THSD4: variants seen among roughly 807,000 people sequenced by gnomAD.
THSD4 encodes the protein thrombospondin type-1 domain-containing protein 4.
In THSD4, 69 loss-of-function variants were observed where a neutral mutation model predicts 119.0. The observed-to-expected ratio is 0.58, with a 90% CI of 0.48 to 0.71. The LOEUF (loss-of-function observed/expected upper bound fraction) is 0.71. Ranked by LOEUF, THSD4 falls within the 30% of genes least tolerant of loss-of-function variation. The pLI is 0.00. For synonymous variants in THSD4, 524 were observed against 540.4 expected (o/e 0.97, Z 0.42); for missense variants, 1,393 against 1,391.1 (o/e 1.00, Z -0.02).
At chr15:71,696,971 C>T (rs2052177893) in intron 8 of THSD4, among the ~76,000 whole-genome samples, 1 of 152,202 alleles carries the variant, frequency 6.6e-6, no homozygotes, top group African/African-American at 2.4e-5. Context: ...ACAGGACAGT[C>T]ACAAGCCCAT....
chr15:71,193,795 C>A (rs1596261090), intron 3 of THSD4, among the ~76,000 whole-genome samples: 1 of 152,162 alleles, frequency 6.6e-6, no homozygotes, highest in Non-Finnish European at 1.5e-5. Context: ...GCAAGCTCCG[C>A]CTCCCGGGTT....
intron 6 of THSD4, among the ~76,000 whole-genome samples, chr15:71,289,982 G>A (rs954232934): frequency 6.6e-6 from 1 of 152,054 alleles, no homozygotes; most frequent in African/African-American, 2.4e-5. Flanking sequence ...GGCATGGGGG[G>A]AGTATCCACG....
At chr15:71,527,492 C>T (rs191258078) in intron 7 of THSD4, among the ~76,000 whole-genome samples, 3 of 152,136 alleles carry the variant, frequency 2.0e-5, no homozygotes, top group African/African-American at 7.2e-5. Context: ...CCATTAATGC[C>T]CTTCAAATGT....
intron 8 of THSD4, among the ~76,000 whole-genome samples, chr15:71,719,352 G>GA (rs370378311): frequency 4.0e-5 from 6 of 151,836 alleles, no homozygotes; most frequent in Non-Finnish European, 7.4e-5. Context: ...GAATCTGACT[G>GA]AAAAAAAATT....
chr15:71,598,210 G>A (rs2049941509), intron 7 of THSD4, among the ~76,000 whole-genome samples: 1 of 152,188 alleles, frequency 6.6e-6, no homozygotes, highest in Non-Finnish European at 1.5e-5. Context: ...TGGTCAGGAA[G>A]ATGAGCAAGA....
chr15:71,159,447 A>T (rs1769497348), intron 3 of THSD4, among the ~76,000 whole-genome samples: 1 of 152,104 alleles, frequency 6.6e-6, no homozygotes, highest in Admixed American at 6.5e-5. Context: ...CAATCTATGA[A>T]CATGGGTTAT....
At chr15:71,398,952 C>A (rs1982234) in intron 6 of THSD4, among the ~76,000 whole-genome samples, 6 of 151,668 alleles carry the variant, frequency 4.0e-5, no homozygotes, top group Non-Finnish European at 8.8e-5. Context: ...CAGAAAGTCC[C>A]CAGGCCCCCA....
intron 7 of THSD4, among the ~76,000 whole-genome samples, chr15:71,638,698 A>G (rs1215353944): frequency 6.6e-6 from 1 of 152,224 alleles, no homozygotes; most frequent in Non-Finnish European, 1.5e-5. Context: ...GATATTATAA[A>G]TTAGTATGGT....
chr15:71,383,300 C>T (rs2046250405), intron 6 of THSD4, among the ~76,000 whole-genome samples: 1 of 152,162 alleles, frequency 6.6e-6, no homozygotes, highest in South Asian at 2.1e-4. Context: ...TTATCATAAG[C>T]ATCTAATGAT....
chr15:71,254,889 C>T (rs997124843), intron 5 of THSD4, among the ~76,000 whole-genome samples: 24 of 152,258 alleles, frequency 1.6e-4, no homozygotes, highest in African/African-American at 5.8e-4. Flanking sequence ...TTTTTTCCTA[C>T]CAGTTTCCAT....
At chr15:71,694,558 TATGCAATTGTAAGAAATA>T (rs1316723373) in intron 8 of THSD4, among the ~76,000 whole-genome samples, 3 of 152,222 alleles carry the variant, frequency 2.0e-5, no homozygotes, top group African/African-American at 7.2e-5. Flanking sequence ...TGGGAATTCA[TATGCAATTGTAAGAAATA>T]ATGTGTTATT....
chr15:71,201,349 G>C (rs1188253486), intron 3 of THSD4, among the ~76,000 whole-genome samples: 1 of 152,168 alleles, frequency 6.6e-6, no homozygotes, highest in East Asian at 1.9e-4. Flanking sequence ...GATCTCACAG[G>C]CTCAGGGTGT....
chr15:71,660,561 A>G lies in THSD4; in HGVS notation c.1184A>G (p.Asp395Gly). 6.2e-7 allele frequency: 1 copy of G among 1,614,124 alleles called. No individual in the cohort carries two copies. Among genetic ancestry groups the G allele is most frequent in the Non-Finnish European group, 8.5e-7 (1 of 1,180,020 alleles). ...GGCTGTGATGACTACTTAGGCTCCG[A>G]CAAAGTCGTGGACAAATGTGGGGTG... ...SIGCDDYLGS[D>G]KVVDKCGVCG... Residue 395 changes from aspartate (D) to glycine (G), a missense_variant, in exon 8 of 18, where the codon GAC becomes GGC. By Grantham distance (94) the Asp-to-Gly change is moderately conservative (BLOSUM62 -1). Transcript: ENST00000261862.
chr15:71,427,917 C>T (rs2046895441), intron 7 of THSD4, among the ~76,000 whole-genome samples: 1 of 152,026 alleles, frequency 6.6e-6, no homozygotes, highest in Admixed American at 6.6e-5. Flanking sequence ...GGTGGGATGT[C>T]CAGAGCATCC....
At chr15:71,174,093 T>C (rs1485415426) in intron 3 of THSD4, among the ~76,000 whole-genome samples, 1 of 152,176 alleles carries the variant, frequency 6.6e-6, no homozygotes, top group Non-Finnish European at 1.5e-5. Flanking sequence ...CTGGACTTCA[T>C]GAAAATTAAA....
At chr15:71,430,973 G>T (rs1009515680) in intron 7 of THSD4, among the ~76,000 whole-genome samples, 1 of 151,948 alleles carries the variant, frequency 6.6e-6, no homozygotes, top group African/African-American at 2.4e-5. Context: ...TTCCAATTGT[G>T]TTCTGTTACA....
In THSD4 at chr15:71,196,763, A is replaced by G. The variant is rs556961780; in HGVS notation, c.100-18272A>G. 5.9e-5 allele frequency among the ~76,000 whole-genome samples: 9 copies of G among 152,266 alleles called. No homozygotes were observed. In the South Asian group the frequency reaches 1.7e-3, roughly 28 times the overall value. On this transcript the variant is annotated intron_variant, in intron 3 of 17. Coordinates refer to ENST00000261862, the MANE Select transcript of THSD4 (RefSeq NM_024817.3). ...GCAAGCAGGAACACGGGAAAGAGAA[A>G]GCTTCTGGTGTTAGGGGGAGATTCT...
At chr15:71,478,436 C>CA (rs1291020977) in intron 7 of THSD4, among the ~76,000 whole-genome samples, 1 of 152,140 alleles carries the variant, frequency 6.6e-6, no homozygotes, top group African/African-American at 2.4e-5. Flanking sequence ...CACATGCATA[C>CA]AGTATCTGTG....
chr15:71,154,451 A>G (rs532937199), intron 2 of THSD4, among the ~76,000 whole-genome samples: 1 of 152,266 alleles, frequency 6.6e-6, no homozygotes, highest in African/African-American at 2.4e-5. Flanking sequence ...CCCTGACCTT[A>G]CCACCCGTGA....
Sources: gnomAD v4.1 joint callset for allele counts (sites outside exome capture counted in the v4.1 genomes callset) on GRCh38, gnomAD v4.1.1 for gene constraint, MANE v1.5 for transcripts, NCBI Gene and HGNC (gene_info 2026-07-23, HGNC 2026-07-21) for gene names.